SYNJ2: variants seen among roughly 807,000 people sequenced by gnomAD.
SYNJ2 encodes synaptojanin 2.
Under a neutral mutation model 141.3 loss-of-function variants are expected in SYNJ2, and 116 were observed. That is an observed-to-expected ratio of 0.82 (90% CI 0.71 to 0.96). The LOEUF (loss-of-function observed/expected upper bound fraction) is 0.96. SYNJ2 is among the 40% of genes least tolerant of loss of function. The pLI is 0.00. For missense variants in SYNJ2, 1,873 were observed against 1,934.8 expected, an observed-to-expected ratio of 0.97 and a Z score of 0.60; for synonymous variants, 745 against 777.7, an observed-to-expected ratio of 0.96 and a Z score of 0.70.
chr6:158,009,937 T>G (rs1562321244), intron 1 of SYNJ2, among the ~76,000 whole-genome samples: 1 of 152,166 alleles, frequency 6.6e-6, no homozygotes, highest in Non-Finnish European at 1.5e-5. Flanking sequence ...CAGCTTCATT[T>G]TGTTGTTGTT....
rs749103786 is a variant in SYNJ2 at position 158,096,468 on chromosome 6, C to G, written c.*104C>G. On this transcript the variant is annotated 3_prime_UTR_variant, in exon 27 of 27. Transcript: ENST00000355585. ...CTATTTAAAGGCACACTGGCCAAAA[C>G]GTTTGTGCATCTGTCACTCTCGTGT... 7.5e-7 allele frequency: 1 copy of G among 1,339,316 alleles called. No homozygotes were observed. The highest frequency in any genetic ancestry group is 1.5e-5 in the South Asian group (1 of 67,274). The allele number at this position is 1,339,316 out of a possible 1,614,324, so 83.0% of individuals were successfully genotyped here.
intron 1 of SYNJ2, among the ~76,000 whole-genome samples, chr6:157,987,907 G>T (rs1292525511): frequency 6.6e-6 from 1 of 152,218 alleles, no homozygotes; most frequent in Admixed American, 6.5e-5. Flanking sequence ...CACTTGGGAA[G>T]GGTCGACCAC....
In SYNJ2 at chr6:158,074,732, T is replaced by C. The variant is rs1428747998; in HGVS notation, c.2286T>C (p.Ser762=). 6.2e-7 allele frequency: 1 copy of C among 1,611,834 alleles called. No homozygotes were observed. Among genetic ancestry groups the C allele is most frequent in the Non-Finnish European group, 8.5e-7 (1 of 1,179,558 alleles). ...ATCAACTACAGCTACAGAAATCAAG[T>C]GGAAAAGTAAGTTGTGCTTTAAAAA... ...EFDQLQLQKS[S]GKIFKDFHEG... Residue 762 remains serine, a synonymous_variant, in exon 16 of 27, where the codon AGT becomes AGC. Coordinates refer to ENST00000355585, the MANE Select transcript of SYNJ2 (RefSeq NM_003898.4).
At chr6:158,036,907 C>A (rs1030502754) in intron 4 of SYNJ2, among the ~76,000 whole-genome samples, 2 of 152,286 alleles carry the variant, frequency 1.3e-5, no homozygotes, top group Middle Eastern at 3.4e-3. Context: ...TTCATTACCA[C>A]TTGCCTTTTA....
At position 158,054,982 on chromosome 6, in the gene SYNJ2, C is replaced by G. The variant is rs753312094; in HGVS notation, c.811C>G (p.Leu271Val). ...QPGLQVGSHHLRLHRGLEANA... is the reference protein window; with the variant it reads ...QPGLQVGSHHVRLHRGLEANA... ...TTTGCTTTAGGTTGGCTCCCATCAT[C>G]TGAGACTCCACAGAGGCCTGGAAGC... is the stretch of plus-strand genomic sequence containing the variant. The change falls in exon 6 of 27, where the codon CTG (leucine) becomes GTG (valine). Residue 271 changes from leucine to valine, a missense_variant. Physicochemically the swap from Leu to Val is conservative, Grantham distance 32. Coordinates refer to ENST00000355585, the MANE Select transcript of SYNJ2 (RefSeq NM_003898.4). 1 of 1,614,128 alleles carries G rather than the reference C, an allele frequency of 6.2e-7. No homozygotes were observed. Among genetic ancestry groups the G allele is most frequent in the African/African-American group, 1.3e-5 (1 of 75,072 alleles).
chr6:158,058,809 T>C (rs1781027536), intron 6 of SYNJ2, among the ~76,000 whole-genome samples: 1 of 152,196 alleles, frequency 6.6e-6, no homozygotes. Context: ...GGCATGTACC[T>C]GTAGTCCCTA....
At chr6:158,042,538 G>T (rs1017858041) in intron 4 of SYNJ2, among the ~76,000 whole-genome samples, 1 of 152,230 alleles carries the variant, frequency 6.6e-6, no homozygotes, top group Non-Finnish European at 1.5e-5. Context: ...AAGTGTCGCC[G>T]CCTGCCCCTG....
chr6:158,077,972 A>C, intron 17 of SYNJ2, 192 bp from the exon 18 acceptor site: 2 of 513,562 alleles, frequency 3.9e-6, no homozygotes, highest in Non-Finnish European at 7.1e-6. Context: ...GAATAATTAT[A>C]TGCGAGGAAT....
intron 2 of SYNJ2, among the ~76,000 whole-genome samples, chr6:158,026,663 C>T (rs937931693): frequency 2.6e-5 from 4 of 152,192 alleles, no homozygotes; most frequent in Non-Finnish European, 5.9e-5. Flanking sequence ...GCACTCAGGC[C>T]CCCCACACGG....
rs748395332 is a variant in SYNJ2, at chr6:158,071,762, AAGG to A, written c.2104_2106del (p.Glu702del). 2 of 1,613,786 alleles carry A rather than the reference AAGG, an allele frequency of 1.2e-6. No homozygotes were observed. The highest frequency in any genetic ancestry group is 1.1e-5 in the South Asian group (1 of 91,084). ...GGTGAAGGAGCGGAATGAAGACTAC[AAGG>A]AGATCACCCAGAAACTCTGCTTCCC... is the stretch of plus-strand genomic sequence containing the variant. On this transcript the variant is annotated inframe_deletion, in exon 15 of 27. Transcript: ENST00000355585. This position sits in a 1 kb window ranked among gnomAD's most constrained non-coding sequence, Gnocchi z 4.3.
chr6:158,092,654 A>G (rs1414220699), intron 25 of SYNJ2, among the ~76,000 whole-genome samples: 1 of 152,042 alleles, frequency 6.6e-6, no homozygotes, highest in Non-Finnish European at 1.5e-5. Flanking sequence ...AATCCCAGCT[A>G]CTCAGGAGGC....
intron 1 of SYNJ2, among the ~76,000 whole-genome samples, chr6:158,014,321 A>G (rs1282310416): frequency 2.0e-5 from 3 of 152,244 alleles, no homozygotes; most frequent in Non-Finnish European, 2.9e-5. Flanking sequence ...ACATGACCCC[A>G]TTGTAAGTTG....
chr6:158,065,130 G>T, intron 11 of SYNJ2, 139 bp downstream of exon 11: 1 of 1,126,548 alleles, frequency 8.9e-7, no homozygotes, highest in South Asian at 2.0e-5. Flanking sequence ...CCTTGCAGCT[G>T]TCACTGCCTC....
At chr6:158,006,743 GCTC>G (rs1263125111) in intron 1 of SYNJ2, among the ~76,000 whole-genome samples, 4 of 152,170 alleles carry the variant, frequency 2.6e-5, no homozygotes, top group African/African-American at 7.2e-5. Flanking sequence ...TGCGATCTCG[GCTC>G]ACTGCAACCT....
Position 158,069,555 on chromosome 6 carries a change from G to A in SYNJ2, c.1822G>A (p.Gly608Ser), listed in dbSNP as rs779963575. The part of the protein sequence containing the change: ...NASTTNKKMW[G>S]EQLQKAISRS... The stretch of plus-strand genomic sequence containing the variant: ...CAGTACTACCAACAAGAAGATGTGG[G>A]GTGAACAGCTTCAGAAAGCCATCTC... The change falls in exon 14 of 27, where the codon GGT becomes AGT. Residue 608 changes from glycine to serine, a missense_variant. Gly to Ser is a moderately conservative substitution (Grantham distance 56). Coordinates refer to ENST00000355585, the MANE Select transcript of SYNJ2 (RefSeq NM_003898.4). 6.2e-7 allele frequency: 1 copy of A among 1,613,574 alleles called. No homozygotes were observed. The highest frequency in any genetic ancestry group is 1.1e-5 in the South Asian group (1 of 91,028).
intron 2 of SYNJ2, 118 bp downstream of exon 2, chr6:158,017,408 T>TAA: frequency 2.1e-6 from 1 of 475,602 alleles, no homozygotes; most frequent in Non-Finnish European, 2.7e-6. Context: ...CTCTCTTCTT[T>TAA]TTTTTTTTTT....
intron 23 of SYNJ2, 42 bp downstream of exon 23, chr6:158,087,031 G>T: frequency 6.3e-7 from 1 of 1,576,312 alleles, no homozygotes; most frequent in South Asian, 1.1e-5. Context: ...TGCCTGCCAG[G>T]AATAACCGCG....
intron 6 of SYNJ2, among the ~76,000 whole-genome samples, chr6:158,058,698 G>A (rs1038945510): frequency 1.3e-5 from 2 of 152,216 alleles, no homozygotes; most frequent in Non-Finnish European, 2.9e-5. Context: ...ACGCTGAGGT[G>A]GGAAGATTGC....
At position 158,062,147 on chromosome 6, in the gene SYNJ2, G is replaced by A. The variant is rs374031897; in HGVS notation, c.1110G>A (p.Gly370=). 3.7e-6 allele frequency: 6 copies of A among 1,613,652 alleles called. No individual in the cohort carries two copies. The highest frequency in any genetic ancestry group is 3.3e-5 in the Admixed American group (2 of 60,000). Residue 370 remains glycine (G), a synonymous_variant, in exon 8 of 27, where the codon GGG becomes GGA. Transcript: ENST00000355585. ...AAGACTTCGATGTGTTCACAAAGGG[G>A]GAGAACGTCAGTCCACGGTGAGGCT... The part of the protein sequence containing the change: ...HWEDFDVFTK[G]ENVSPRFQKG...
Sources: allele counts gnomAD v4.1 joint callset (sites outside exome capture counted in the v4.1 genomes callset), GRCh38; gene constraint gnomAD v4.1.1; non-coding constraint Gnocchi (gnomAD v3.1); transcripts MANE v1.5; gene names NCBI Gene and HGNC (gene_info 2026-07-23, HGNC 2026-07-21).